Variants in PPAT observed in about 807,000 individuals in gnomAD.
PPAT encodes the protein amidophosphoribosyltransferase.
Under a neutral mutation model 60.2 loss-of-function variants are expected in PPAT, and 20 were observed. The ratio of observed to expected loss-of-function variants is 0.33; its 90% CI spans 0.23 to 0.48. The LOEUF (loss-of-function observed/expected upper bound fraction) is 0.48. Among genes scored for constraint, PPAT ranks in the 20% least tolerant of loss-of-function variants. The pLI is 0.99. For synonymous variants in PPAT, 194 were observed against 215.1 expected (o/e 0.90, Z 0.86); for missense variants, 349 against 629.6 (o/e 0.55, Z 4.77).
intron 3 of PPAT, among the ~76,000 whole-genome samples, 197 bp from the exon 4 acceptor site, chr4:56,403,598 AG>A (rs2110039447): frequency 6.6e-6 from 1 of 152,306 alleles, no homozygotes. Context: ...TCCATGGACC[AG>A]GGACAGGGGA....
chr4:56,407,318 T>G (rs138766940), intron 2 of PPAT, among the ~76,000 whole-genome samples: 2,037 of 152,062 alleles, frequency 0.013, 53 homozygotes, highest in African/African-American at 0.046. Flanking sequence ...ATTTCTTTTT[T>G]CTTTCTTTTT....
chr4:56,413,910 TTAAA>T (rs1319055788), intron 1 of PPAT, among the ~76,000 whole-genome samples: 2 of 152,130 alleles, frequency 1.3e-5, no homozygotes, highest in East Asian at 1.9e-4. Context: ...AATAAATAAA[TTAAA>T]TAAATAATTA....
At chr4:56,402,716 TGAGGTAG>T (rs1209481744) in intron 5 of PPAT, among the ~76,000 whole-genome samples, 1 of 149,580 alleles carries the variant, frequency 6.7e-6, no homozygotes, top group Non-Finnish European at 1.5e-5. Context: ...CTCGGGAGGC[TGAGGTAG>T]GAGAATCACT....
intron 1 of PPAT, chr4:56,410,610 G>A: frequency 2.0e-6 from 2 of 985,906 alleles, no homozygotes; most frequent in Non-Finnish European, 2.4e-6. Flanking sequence ...CAACTTTATG[G>A]AACACTAAGA....
In PPAT at chr4:56,394,341, A is replaced by AT. The variant is rs1193045867; in HGVS notation, c.*1010dup. The AT allele has an allele frequency of 6.6e-6, 1 of 152,166 alleles. No homozygotes were observed. Among genetic ancestry groups the AT allele is most frequent in the African/African-American group, 2.4e-5 (1 of 41,456 alleles). The allele number at this position is 152,166 out of a possible 1,614,324, so 9.4% of individuals were successfully genotyped here. On this transcript the variant is annotated 3_prime_UTR_variant, in exon 11 of 11. Coordinates refer to ENST00000264220, the MANE Select transcript of PPAT (RefSeq NM_002703.5). The stretch of plus-strand genomic sequence containing the variant: ...GTCTGTACTTGATCACTTAATTGCA[A>AT]TAATATTTATGTGTATGTGTACATG...
chr4:56,424,839 T>G (rs1717209025), intron 1 of PPAT, among the ~76,000 whole-genome samples: 1 of 152,224 alleles, frequency 6.6e-6, no homozygotes, highest in African/African-American at 2.4e-5. Context: ...TGCCTTATTA[T>G]CTATGTATTC....
chr4:56,397,301 TGAC>T (rs1716001329), intron 9 of PPAT, among the ~76,000 whole-genome samples: 2 of 152,218 alleles, frequency 1.3e-5, no homozygotes, highest in Non-Finnish European at 2.9e-5. Context: ...CCAGGTTCTT[TGAC>T]TTTATTCTTT....
At chr4:56,407,421 C>T (rs1207322279) in intron 2 of PPAT, among the ~76,000 whole-genome samples, 1 of 151,860 alleles carries the variant, frequency 6.6e-6, no homozygotes, top group African/African-American at 2.4e-5. Flanking sequence ...CAGGTTCAAA[C>T]GATTCTCTTA....
chr4:56,410,913 A>G (rs1716427357), intron 1 of PPAT: 3 of 974,842 alleles, frequency 3.1e-6, no homozygotes, highest in African/African-American at 1.8e-5. Flanking sequence ...AAAAAAAAAA[A>G]AAAAAAAAAA....
At position 56,394,203 on chromosome 4, in the gene PPAT, A is replaced by C. The variant is rs900271670; in HGVS notation, c.*1149T>G. 1 of 152,190 alleles carries C rather than the reference A, an allele frequency of 6.6e-6. No homozygotes were observed. Among genetic ancestry groups the C allele is most frequent in the Non-Finnish European group, 1.5e-5 (1 of 68,024 alleles). 9.4% of individuals were successfully genotyped at this position (152,190 alleles called of 1,614,324 possible). A position where few individuals can be genotyped will look rare whatever the true frequency, so the allele number is the denominator to read the frequency against. ...AAGAAATCAAATTCATTAGATCTTA[A>C]TATAGTAGAAAAAAGTGATTATAAG... On this transcript the variant is annotated 3_prime_UTR_variant, in exon 11 of 11. Coordinates refer to ENST00000264220, the MANE Select transcript of PPAT (RefSeq NM_002703.5).
intron 1 of PPAT, among the ~76,000 whole-genome samples, chr4:56,434,321 T>C (rs949200083): frequency 1.4e-4 from 22 of 152,230 alleles, no homozygotes; most frequent in Non-Finnish European, 2.9e-4. Context: ...GGAATGCGTT[T>C]ATACGTGTTG....
chr4:56,425,668 C>T (rs1212916427), intron 1 of PPAT, among the ~76,000 whole-genome samples: 9 of 152,168 alleles, frequency 5.9e-5, no homozygotes, highest in Non-Finnish European at 1.0e-4. Context: ...AATGAGGCTA[C>T]TCTAGGTGGG....
At position 56,406,576 on chromosome 4, in the gene PPAT, G is replaced by A. The variant is rs1160095316; in HGVS notation, c.321C>T (p.Pro107=). Reference sequence around the variant, plus strand: ...TCCCATGAAGTGTTTCAACAACGAAGGGCTGACAATTTTCTAGTTCACATT... The same window carrying A: ...TCCCATGAAGTGTTTCAACAACGAAAGGCTGACAATTTTCTAGTTCACATT... The part of the protein sequence containing the change: ...TGKCELENCQ[P]FVVETLHGKI... The change falls in exon 3 of 11, where the codon CCC becomes CCT. Residue 107 remains proline (P), a synonymous_variant. Coordinates refer to ENST00000264220, the MANE Select transcript of PPAT (RefSeq NM_002703.5). The A allele has an allele frequency of 2.5e-6, 4 of 1,613,678 alleles. No individual in the cohort carries two copies. The highest frequency in any genetic ancestry group is 2.2e-5 in the East Asian group (1 of 44,888).
intron 1 of PPAT, among the ~76,000 whole-genome samples, chr4:56,408,704 A>G (rs746490424): frequency 6.7e-6 from 1 of 149,968 alleles, no homozygotes. Context: ...CAGTGAGCTG[A>G]GATCGCGCCA....
intron 5 of PPAT, among the ~76,000 whole-genome samples, 190 bp downstream of exon 5, chr4:56,402,850 G>GAAAAAAAAAA (rs1177644230): frequency 2.4e-5 from 1 of 41,146 alleles, no homozygotes; most frequent in African/African-American, 9.8e-5. Flanking sequence ...AAAAAAAAAG[G>GAAAAAAAAAA]GGGGGGACTC....
At chr4:56,432,943 C>T (rs1265936281) in intron 1 of PPAT, among the ~76,000 whole-genome samples, 2 of 150,492 alleles carry the variant, frequency 1.3e-5, no homozygotes, top group Non-Finnish European at 3.0e-5. Flanking sequence ...TGCAACAGAC[C>T]ACCACTTCTC....
chr4:56,401,912 A>G (rs938235548), intron 6 of PPAT, among the ~76,000 whole-genome samples, 197 bp downstream of exon 6: 5 of 152,186 alleles, frequency 3.3e-5, no homozygotes, highest in Non-Finnish European at 7.4e-5. Flanking sequence ...TGCCAGCTTC[A>G]GAATTAGAAG....
intron 8 of PPAT, 143 bp downstream of exon 8, chr4:56,400,641 A>AAAAAAAAAAAAT (rs1485598785): frequency 3.2e-6 from 3 of 939,660 alleles, no homozygotes; most frequent in Non-Finnish European, 4.4e-6. Context: ...CTGGAAAATA[A>AAAAAAAAAAAAT]AAAACGCTTG....
chr4:56,412,826 C>T (rs1716530487), intron 1 of PPAT, among the ~76,000 whole-genome samples: 1 of 152,176 alleles, frequency 6.6e-6, no homozygotes. Context: ...CCCTAGTTTT[C>T]ACCCTCTTCC....
Sources: allele counts gnomAD v4.1 joint callset (sites outside exome capture counted in the v4.1 genomes callset), GRCh38; gene constraint gnomAD v4.1.1; transcripts MANE v1.5; gene names NCBI Gene and HGNC (gene_info 2026-07-23, HGNC 2026-07-21).